The following ARIH1 variants were observed in gnomAD, a reference collection of about 807,000 sequenced individuals.
The protein encoded by ARIH1 is ariadne RBR E3 ubiquitin protein ligase 1.
ARIH1 carries 8 observed loss-of-function variants against 85.0 expected under a neutral mutation model. The ratio of observed to expected loss-of-function variants is 0.09; its 90% CI spans 0.06 to 0.17. The LOEUF is 0.17. Ranked by LOEUF, ARIH1 falls within the 10% of genes least tolerant of loss-of-function variation. ARIH1 has a pLI of 1.00. For synonymous variants in ARIH1, 238 were observed against 253.6 expected (o/e 0.94, Z 0.59); for missense variants, 311 against 718.1 (o/e 0.43, Z 6.48).
chr15:72,554,029 A>G (rs1410237472), intron 3 of ARIH1, among the ~76,000 whole-genome samples: 1 of 152,348 alleles, frequency 6.6e-6, no homozygotes. Flanking sequence ...AGGTTCATCT[A>G]TATTGTGGCA....
At position 72,518,120 on chromosome 15, in the gene ARIH1, G is replaced by A. The variant is rs1480269285; in HGVS notation, c.429G>A (p.Glu143=). Residue 143 remains glutamate, a synonymous_variant, in exon 2 of 14, where the codon GAG becomes GAA. Transcript: ENST00000379887. The part of the protein sequence containing the change: ...ILLSHFNWDK[E]KLMERYFDGN... ...TTAGCCACTTCAATTGGGATAAAGA[G>A]AAGCTAATGGAAAGGTAAGGAACTA... The A allele has an allele frequency of 6.2e-7, 1 of 1,608,146 alleles. No individual in the cohort carries two copies. The highest frequency in any genetic ancestry group is 8.5e-7 in the Non-Finnish European group (1 of 1,175,142).
chr15:72,474,616 C>G lies in ARIH1; in HGVS notation c.-24C>G. 1 of 1,503,720 alleles carries G rather than the reference C, an allele frequency of 6.7e-7. No homozygotes were observed. The highest frequency in any genetic ancestry group is 1.4e-5 in the African/African-American group (1 of 69,000). The allele number at this position is 1,503,720 out of a possible 1,614,324, so 93.1% of individuals were successfully genotyped here. A position where few individuals can be genotyped will look rare whatever the true frequency, so the allele number is the denominator to read the frequency against. On this transcript the variant is annotated 5_prime_UTR_variant, in exon 1 of 14. Transcript: ENST00000379887. ...CCCTCTCCCCGCCTCGGCCAGCGTC[C>G]GCCGGGCCCCCGCGCGTCGCGCCAT...
At chr15:72,518,199 A>G in intron 2 of ARIH1, 65 bp downstream of exon 2, 1 of 1,375,914 alleles carries the variant, frequency 7.3e-7, no homozygotes, top group South Asian at 1.2e-5. Flanking sequence ...AACCGAATTT[A>G]CAAGAATCAA....
intron 1 of ARIH1, among the ~76,000 whole-genome samples, chr15:72,497,278 G>A (rs537309219): frequency 6.6e-6 from 1 of 152,202 alleles, no homozygotes; most frequent in South Asian, 2.1e-4. Context: ...ATGTGTTAAT[G>A]TTTATTTATA....
chr15:72,565,950 G>A (rs1466051195), intron 7 of ARIH1, among the ~76,000 whole-genome samples: 1 of 151,900 alleles, frequency 6.6e-6, no homozygotes, highest in Non-Finnish European at 1.5e-5. Context: ...TTTTTCTTAA[G>A]CATTTGTGTT....
At chr15:72,555,556 C>T (rs572045839) in intron 4 of ARIH1, among the ~76,000 whole-genome samples, 193 bp downstream of exon 4, 1 of 152,336 alleles carries the variant, frequency 6.6e-6, no homozygotes, top group East Asian at 1.9e-4. Flanking sequence ...GTAACGTTTT[C>T]TCAGCCGGCA....
intron 11 of ARIH1, among the ~76,000 whole-genome samples, chr15:72,576,276 C>G (rs969814371): frequency 6.6e-6 from 1 of 151,928 alleles, no homozygotes; most frequent in Non-Finnish European, 1.5e-5. Context: ...GAGGCCGAGG[C>G]GGGCGGATCA....
At chr15:72,576,276 C>T (rs969814371) in intron 11 of ARIH1, among the ~76,000 whole-genome samples, 5 of 152,048 alleles carry the variant, frequency 3.3e-5, no homozygotes, top group South Asian at 4.2e-4. Context: ...GAGGCCGAGG[C>T]GGGCGGATCA....
chr15:72,577,173 C>T (rs758621604), intron 11 of ARIH1, among the ~76,000 whole-genome samples: 1 of 151,248 alleles, frequency 6.6e-6, no homozygotes, highest in African/African-American at 2.4e-5. Context: ...TTAGTAGAGA[C>T]GGGATTTCAT....
In ARIH1 at chr15:72,551,783, G is replaced by A. The variant is rs569099460; in HGVS notation, c.589-3488G>A. ...TTTCCTACATAAGTAAAAAGCCTCC[G>A]TAAATAAGTGAAAAACCCACAGGCA... On this transcript the variant is annotated intron_variant, in intron 3 of 13. Coordinates refer to ENST00000379887, the MANE Select transcript of ARIH1 (RefSeq NM_005744.5). Among the ~76,000 whole-genome samples, 36 of 152,122 alleles carry A rather than the reference G, an allele frequency of 2.4e-4. No individual in the cohort carries two copies. The South Asian group carries it at 7.1e-3, about 30-fold the overall frequency.
intron 1 of ARIH1, chr15:72,475,307 CG>C: frequency 2.2e-6 from 1 of 456,668 alleles, no homozygotes; most frequent in Non-Finnish European, 3.6e-6. Context: ...GTCCCTGGGC[CG>C]GGTGTCCTTT....
At chr15:72,482,281 GATAGAT>G (rs1400360597) in intron 1 of ARIH1, among the ~76,000 whole-genome samples, 5 of 152,228 alleles carry the variant, frequency 3.3e-5, no homozygotes, top group African/African-American at 1.2e-4. Context: ...TAAAGTCCTG[GATAGAT>G]ATAAAGTCCT....
At chr15:72,477,561 G>A (rs1312814797) in intron 1 of ARIH1, among the ~76,000 whole-genome samples, 1 of 152,126 alleles carries the variant, frequency 6.6e-6, no homozygotes, top group Non-Finnish European at 1.5e-5. Context: ...TGGGAGAGGA[G>A]TTCTGGGCAA....
chr15:72,474,509 C>A lies in ARIH1; in HGVS notation c.-131C>A. 1.6e-6 allele frequency: 2 copies of A among 1,223,688 alleles called. No homozygotes were observed. The highest frequency in any genetic ancestry group is 2.2e-6 in the Non-Finnish European group (2 of 927,154). The allele number at this position is 1,223,688 out of a possible 1,614,324, so 75.8% of individuals were successfully genotyped here. On this transcript the variant is annotated 5_prime_UTR_variant, in exon 1 of 14. Coordinates refer to ENST00000379887, the MANE Select transcript of ARIH1 (RefSeq NM_005744.5). ...GCCAACCGCCGCTCCTGGGGAGGAG[C>A]CGCGGCTCGCGGGGCCGGAGCCAGG...
intron 1 of ARIH1, among the ~76,000 whole-genome samples, chr15:72,503,479 T>G (rs1352006008): frequency 6.6e-6 from 1 of 152,214 alleles, no homozygotes; most frequent in Non-Finnish European, 1.5e-5. Context: ...TGGTAGCTTC[T>G]TATGATTTCA....
chr15:72,535,580 A>G (rs2064078330), intron 2 of ARIH1, among the ~76,000 whole-genome samples: 1 of 152,200 alleles, frequency 6.6e-6, no homozygotes, highest in Non-Finnish European at 1.5e-5. Context: ...CAGCCTGAGG[A>G]CTTGCATTAG....
At chr15:72,494,020 A>C (rs1326326856) in intron 1 of ARIH1, among the ~76,000 whole-genome samples, 2 of 152,146 alleles carry the variant, frequency 1.3e-5, no homozygotes, top group African/African-American at 2.4e-5. Flanking sequence ...ATGTCTTAGT[A>C]CTTTTCTCAT....
chr15:72,504,766 G>A (rs1407773682), intron 1 of ARIH1, among the ~76,000 whole-genome samples: 2 of 152,166 alleles, frequency 1.3e-5, no homozygotes, highest in African/African-American at 4.8e-5. Context: ...GTTTGAAGTT[G>A]GGGTTTCACT....
intron 3 of ARIH1, among the ~76,000 whole-genome samples, chr15:72,553,372 C>T (rs751042250): frequency 6.6e-5 from 10 of 152,246 alleles, no homozygotes; most frequent in Admixed American, 2.0e-4. Context: ...CTTAGCTATT[C>T]TGAATAAATC....
Sources: allele counts gnomAD v4.1 joint callset (sites outside exome capture counted in the v4.1 genomes callset), GRCh38; gene constraint gnomAD v4.1.1; transcripts MANE v1.5; gene names NCBI Gene and HGNC (gene_info 2026-07-23, HGNC 2026-07-21).